DPP8: variants seen among roughly 807,000 people sequenced by gnomAD.
DPP8 encodes dipeptidyl peptidase 8.
A neutral mutation model predicts 107.5 loss-of-function variants in DPP8; 31 were observed. The observed-to-expected ratio is 0.29, with a 90% CI of 0.22 to 0.39. The LOEUF (loss-of-function observed/expected upper bound fraction) is 0.39, where lower values mean the gene tolerates loss of function less well. Among genes scored for constraint, DPP8 ranks in the 10% least tolerant of loss-of-function variants. The probability of loss-of-function intolerance (pLI) is 1.00; values close to 1 mark genes in which losing one functional copy is unlikely to be tolerated. For synonymous variants in DPP8, 381 were observed against 356.6 expected (o/e 1.07, Z -0.77); for missense variants, 842 against 1,076.1 (o/e 0.78, Z 3.04).
At chr15:65,500,328 G>C (rs992148022) in intron 4 of DPP8, among the ~76,000 whole-genome samples, 4 of 151,748 alleles carry the variant, frequency 2.6e-5, no homozygotes, top group African/African-American at 9.7e-5. Flanking sequence ...TGAGGCAGGA[G>C]AATCACTTGA....
At position 65,444,514 on chromosome 15, in the gene DPP8, T is replaced by C. The variant is rs907547685; in HGVS notation, c.*2370A>G. On this transcript the variant is annotated 3_prime_UTR_variant, in exon 20 of 20. Coordinates refer to ENST00000300141, the MANE Select transcript of DPP8 (RefSeq NM_130434.5). ...GTGAGATTTCTACTGATTGCCTCAA[T>C]TGACTATGATATTTTCCACACTGAT... 1 of 152,236 alleles carries C rather than the reference T, an allele frequency of 6.6e-6. No homozygotes were observed. The highest frequency in any genetic ancestry group is 2.4e-5 in the African/African-American group (1 of 41,468). The allele number at this position is 152,236 out of a possible 1,614,324, so 9.4% of individuals were successfully genotyped here.
At position 65,467,182 on chromosome 15, in the gene DPP8, G is replaced by A. The variant is rs774856069; in HGVS notation, c.1578C>T (p.Gly526=). ...GATGCTCTAAAGGGGAGTCTTTGGT[G>A]CCTTCAAAATATACCAGCCTTCTGA... ...DEVRRLVYFE[G]TKDSPLEHHL... is the part of the protein sequence containing the mutation. The change falls in exon 13 of 20, where the codon GGC becomes GGT. Residue 526 remains glycine (G), a synonymous_variant. Transcript: ENST00000300141. 4 of 1,614,084 alleles carry A rather than the reference G, an allele frequency of 2.5e-6. No homozygotes were observed. Among genetic ancestry groups the A allele is most frequent in the Non-Finnish European group, 3.4e-6 (4 of 1,179,990 alleles).
chr15:65,449,080 T>A (rs1014257594), intron 19 of DPP8, among the ~76,000 whole-genome samples: 9 of 141,570 alleles, frequency 6.4e-5, no homozygotes, highest in African/African-American at 2.0e-4. Flanking sequence ...CATAGTGGTA[T>A]GAGCCTGTAG....
At chr15:65,470,919 C>CAAA (rs773144225) in intron 12 of DPP8, among the ~76,000 whole-genome samples, 12 of 110,764 alleles carry the variant, frequency 1.1e-4, no homozygotes, top group East Asian at 5.4e-4. Context: ...ACTCTTATCT[C>CAAA]AAAAAAAAAA....
At chr15:65,451,232 T>C in intron 18 of DPP8, 122 bp from the exon 19 acceptor site, 1 of 629,940 alleles carries the variant, frequency 1.6e-6, no homozygotes, top group Non-Finnish European at 2.8e-6. Context: ...AGAATAAGAA[T>C]TCAGTATTTT....
chr15:65,456,135 TCCC>T (rs2064400430), intron 16 of DPP8, 87 bp downstream of exon 16: 2 of 1,432,166 alleles, frequency 1.4e-6, no homozygotes, highest in Non-Finnish European at 1.9e-6. Context: ...CATAGCCCCT[TCCC>T]CCAACTCTCT....
At chr15:65,450,738 T>C in intron 19 of DPP8, 1 of 295,014 alleles carries the variant, frequency 3.4e-6, no homozygotes, top group Non-Finnish European at 6.2e-6. Context: ...GGACTTCCTG[T>C]CATCTTTTCC....
At chr15:65,470,919 CAAAA>C (rs773144225) in intron 12 of DPP8, among the ~76,000 whole-genome samples, 1 of 110,762 alleles carries the variant, frequency 9.0e-6, no homozygotes, top group African/African-American at 3.4e-5. Context: ...ACTCTTATCT[CAAAA>C]AAAAAAAAAA....
intron 1 of DPP8, chr15:65,516,435 A>C (rs895818146): frequency 2.7e-5 from 4 of 146,664 alleles, no homozygotes; most frequent in Non-Finnish European, 6.0e-5. Flanking sequence ...TGGCTTAGGA[A>C]AAAAAAAAAA....
At chr15:65,453,415 T>C (rs1487283421) in intron 17 of DPP8, among the ~76,000 whole-genome samples, 1 of 152,094 alleles carries the variant, frequency 6.6e-6, no homozygotes. Context: ...ACATTATACA[T>C]GTTTAAAAGA....
intron 3 of DPP8, among the ~76,000 whole-genome samples, chr15:65,501,429 TAAGTC>T (rs1342522534): frequency 1.3e-5 from 2 of 152,242 alleles, no homozygotes; most frequent in Non-Finnish European, 2.9e-5. Flanking sequence ...CACAGACTTC[TAAGTC>T]AAGTGGTTTG....
chr15:65,499,054 TC>T (rs1226190102), intron 4 of DPP8, among the ~76,000 whole-genome samples: 2 of 141,062 alleles, frequency 1.4e-5, no homozygotes, highest in East Asian at 2.1e-4. Context: ...AGACTTTGTC[TC>T]CCCCCCAAAA....
At chr15:65,499,070 A>AGTGT (rs56047613) in intron 4 of DPP8, among the ~76,000 whole-genome samples, 20,453 of 129,492 alleles carry the variant, frequency 0.16, 2,271 homozygotes, top group East Asian at 0.6. Flanking sequence ...CCAAAAAAAA[A>AGTGT]GTGTGTGTGT....
At position 65,481,513 on chromosome 15, in the gene DPP8, A is replaced by G; in HGVS notation, c.1118+2T>C. On this transcript the variant is annotated splice_donor_variant, in intron 9 of 19. Transcript: ENST00000300141. LOFTEE classifies it high-confidence loss of function. ...AAAGAAGTAACAATTTAACATACGC[A>G]CTATTTTCCCTCAGGAGTCCATCCA... is the stretch of plus-strand genomic sequence containing the variant. The G allele has an allele frequency of 6.5e-7, 1 of 1,542,868 alleles. No individual in the cohort carries two copies. The highest frequency in any genetic ancestry group is 2.3e-5 in the East Asian group (1 of 43,250).
chr15:65,505,333 C>G (rs557252503), intron 3 of DPP8, among the ~76,000 whole-genome samples: 1 of 139,424 alleles, frequency 7.2e-6, no homozygotes. Context: ...CCAGCCTGGG[C>G]GATAGAGTGA....
At position 65,444,593 on chromosome 15, in the gene DPP8, A is replaced by T; in HGVS notation, c.*2291T>A. 1 of 152,236 alleles carries T rather than the reference A, an allele frequency of 6.6e-6. No homozygotes were observed. The highest frequency in any genetic ancestry group is 1.9e-4 in the East Asian group (1 of 5,182). The allele number at this position is 152,236 out of a possible 1,614,324, so 9.4% of individuals were successfully genotyped here. ...TTTCTGTAAGAGAATTCATTCAGGT[A>T]TTTTTTCCTGCTAAAGAAGCAGAAT... On this transcript the variant is annotated 3_prime_UTR_variant, in exon 20 of 20. Transcript: ENST00000300141.
intron 15 of DPP8, 88 bp from the exon 16 acceptor site, chr15:65,456,459 A>C: frequency 7.9e-7 from 1 of 1,273,582 alleles, no homozygotes; most frequent in Non-Finnish European, 1.1e-6. Flanking sequence ...AGAAAGCTTA[A>C]TTTCACTATT....
Position 65,507,401 on chromosome 15 carries a change from T to C in DPP8, c.260-46A>G, listed in dbSNP as rs1320977106. 3.2e-6 allele frequency: 4 copies of C among 1,247,106 alleles called. No homozygotes were observed. The South Asian group carries it at 4.9e-5, about 15-fold the overall frequency. 77.3% of individuals were successfully genotyped at this position (1,247,106 alleles called of 1,614,324 possible). On this transcript the variant is annotated intron_variant, in intron 2 of 19. Transcript: ENST00000300141. ...TTATTATTATTTTTTCGAATAGCAT[T>C]CTTACTACAGTCACAGTTGCAAGTA...
At chr15:65,481,126 A>T (rs1459196496) in intron 9 of DPP8, among the ~76,000 whole-genome samples, 1 of 152,158 alleles carries the variant, frequency 6.6e-6, no homozygotes, top group Non-Finnish European at 1.5e-5. Flanking sequence ...ATGTCAACAA[A>T]TGCCAGTCTT....
Sources: allele counts gnomAD v4.1 joint callset (sites outside exome capture counted in the v4.1 genomes callset), GRCh38; gene constraint gnomAD v4.1.1; transcripts MANE v1.5; gene names NCBI Gene and HGNC (gene_info 2026-07-23, HGNC 2026-07-21).